RPS6KC1: variants seen among roughly 807,000 people sequenced by gnomAD.
RPS6KC1 encodes the protein ribosomal protein S6 kinase C1.
A neutral mutation model predicts 103.8 loss-of-function variants in RPS6KC1; 54 were observed. That is an observed-to-expected ratio of 0.52 (90% CI 0.42 to 0.65). The LOEUF is 0.65. RPS6KC1 is among the 30% of genes least tolerant of loss of function. RPS6KC1 has a pLI of 0.00. For synonymous variants in RPS6KC1, 439 were observed against 438.7 expected (o/e 1.00, Z -0.01); for missense variants, 1,151 against 1,253.8 (o/e 0.92, Z 1.24).
the RPS6KC1 span, among the ~76,000 whole-genome samples, chr1:213,411,510 A>T: frequency 2.0e-5 from 3 of 152,062 alleles, no homozygotes; most frequent in East Asian, 5.8e-4. Context: ...TGGATGGGAG[A>T]CACTGGGATT....
chr1:213,486,236 C>T, the RPS6KC1 span, among the ~76,000 whole-genome samples: 1 of 152,086 alleles, frequency 6.6e-6, no homozygotes, highest in African/African-American at 2.4e-5. Context: ...GAAGTCTAAC[C>T]CTAATCCAGC....
the RPS6KC1 span, among the ~76,000 whole-genome samples, chr1:213,456,290 A>G: frequency 6.6e-6 from 1 of 151,984 alleles, no homozygotes; most frequent in African/African-American, 2.4e-5. Context: ...GTATTAATAT[A>G]TATTTTTATA....
the RPS6KC1 span, among the ~76,000 whole-genome samples, chr1:213,394,424 A>C: frequency 6.6e-6 from 1 of 151,672 alleles, no homozygotes; most frequent in Non-Finnish European, 1.5e-5. Context: ...TGCACCCCTC[A>C]CACCCCCCTA....
the RPS6KC1 span, among the ~76,000 whole-genome samples, chr1:213,555,157 C>A: frequency 6.6e-6 from 1 of 152,156 alleles, no homozygotes; most frequent in Non-Finnish European, 1.5e-5. Flanking sequence ...ACAGTTTACC[C>A]AGAAAGGCTT....
the RPS6KC1 span, among the ~76,000 whole-genome samples, chr1:213,649,104 C>T: frequency 2.0e-4 from 30 of 152,048 alleles, no homozygotes; most frequent in African/African-American, 7.0e-4. Context: ...GCTGAGGGCT[C>T]ACCATTGCCC....
At position 213,187,498 on chromosome 1, in the gene RPS6KC1, G is replaced by A. The variant is rs143059844; in HGVS notation, c.1044+11006G>A. Among the ~76,000 whole-genome samples, 871 of 151,804 alleles carry A rather than the reference G, an allele frequency of 5.7e-3. 9 individuals are homozygous for A. Among genetic ancestry groups the A allele is most frequent in the African/African-American group, 0.02 (831 of 41,430 alleles). ...TGGCCTCAAGTGATCCACCTGCCTC[G>A]GCCTCCCACAGTGTTAGAATTATAG... On this transcript the variant is annotated intron_variant, in intron 8 of 14. Transcript: ENST00000366960.
chr1:213,657,408 A>T, the RPS6KC1 span, among the ~76,000 whole-genome samples: 1 of 152,204 alleles, frequency 6.6e-6, no homozygotes, highest in East Asian at 1.9e-4. Context: ...GGGTAATTTA[A>T]AAAGAGGTAG....
At chr1:213,333,387 A>G in the RPS6KC1 span, among the ~76,000 whole-genome samples, 16 of 152,214 alleles carry the variant, frequency 1.1e-4, no homozygotes, top group Admixed American at 7.2e-4. Context: ...TGTTAAGCAA[A>G]TAAGACTTAC....
At chr1:213,709,697 C>T in the RPS6KC1 span, among the ~76,000 whole-genome samples, 2 of 152,182 alleles carry the variant, frequency 1.3e-5, no homozygotes, top group East Asian at 3.9e-4. Context: ...TAGCTGTGTC[C>T]CACAGATATT....
chr1:213,749,933 G>T, the RPS6KC1 span, among the ~76,000 whole-genome samples: 1 of 152,196 alleles, frequency 6.6e-6, no homozygotes, highest in African/African-American at 2.4e-5. Context: ...CACGGTCACT[G>T]TTTGTTTGTT....
At chr1:213,320,251 C>A in the RPS6KC1 span, among the ~76,000 whole-genome samples, 1 of 152,224 alleles carries the variant, frequency 6.6e-6, no homozygotes, top group Non-Finnish European at 1.5e-5. Flanking sequence ...TATTACCCAG[C>A]AAATTAGGAG....
the RPS6KC1 span, among the ~76,000 whole-genome samples, chr1:213,538,783 A>C: frequency 6.6e-6 from 1 of 152,138 alleles, no homozygotes; most frequent in Non-Finnish European, 1.5e-5. Context: ...AGATAGATAG[A>C]CATTAAGCAA....
the RPS6KC1 span, among the ~76,000 whole-genome samples, chr1:213,391,562 A>T: frequency 6.6e-6 from 1 of 152,232 alleles, no homozygotes; most frequent in South Asian, 2.1e-4. Context: ...TGGTAGGCCT[A>T]GTAGAGGAAT....
chr1:213,430,657 C>G, the RPS6KC1 span, among the ~76,000 whole-genome samples: 2 of 152,110 alleles, frequency 1.3e-5, no homozygotes, highest in African/African-American at 4.8e-5. Flanking sequence ...CCCATCTGCT[C>G]CTGGTATTTT....
the RPS6KC1 span, among the ~76,000 whole-genome samples, chr1:213,419,658 G>A: frequency 1.3e-5 from 2 of 152,208 alleles, no homozygotes; most frequent in African/African-American, 4.8e-5. Context: ...CTACTCAGGG[G>A]TCAGGGGCAA....
At chr1:213,277,296 A>G (rs2095114190), downstream of RPS6KC1, among the ~76,000 whole-genome samples, 1 of 152,234 alleles carries the variant, frequency 6.6e-6, no homozygotes, top group African/African-American at 2.4e-5. Flanking sequence ...GGTAAGATTT[A>G]TGATCCTGCT....
In RPS6KC1 at chr1:213,156,472, T is replaced by C. The variant is rs12074538; in HGVS notation, c.836-11386T>C. 7.0e-3 allele frequency among the ~76,000 whole-genome samples: 1,068 copies of C among 152,234 alleles called. 15 individuals are homozygous for C. The highest frequency in any genetic ancestry group is 0.024 in the African/African-American group (1,012 of 41,542). On this transcript the variant is annotated intron_variant, in intron 6 of 14. Coordinates refer to ENST00000366960, the MANE Select transcript of RPS6KC1 (RefSeq NM_012424.6). ...CTTTCCACATTTAATAAAAACAATT[T>C]GCAAGTCCAAAAAGTCCGATAAACC... is the stretch of plus-strand genomic sequence containing the variant.
intron 1 of RPS6KC1, among the ~76,000 whole-genome samples, chr1:213,063,947 G>A (rs1025906870): frequency 3.9e-5 from 6 of 152,114 alleles, no homozygotes; most frequent in Non-Finnish European, 2.9e-5. Flanking sequence ...TTTAAGATGA[G>A]TTGGTGATAA....
chr1:213,630,390 A>G, the RPS6KC1 span, among the ~76,000 whole-genome samples: 1 of 152,148 alleles, frequency 6.6e-6, no homozygotes, highest in Admixed American at 6.5e-5. Flanking sequence ...AGGCTTCTGC[A>G]TTCGTCATGT....
Sources: gnomAD v4.1 joint callset for allele counts (sites outside exome capture counted in the v4.1 genomes callset) on GRCh38, gnomAD v4.1.1 for gene constraint, MANE v1.5 for transcripts, NCBI Gene and HGNC (gene_info 2026-07-23, HGNC 2026-07-21) for gene names.